The following MYO16 variants were observed in gnomAD, a reference collection of about 807,000 sequenced individuals.
The protein encoded by MYO16 is unconventional myosin-XVI.
In MYO16, 94 loss-of-function variants were observed where a neutral mutation model predicts 205.3. The ratio of observed to expected loss-of-function variants is 0.46; its 90% CI spans 0.39 to 0.54. MYO16 has a LOEUF of 0.54. MYO16 is among the 20% of genes least tolerant of loss of function. The pLI is 0.00. For missense variants in MYO16, 2,315 were observed against 2,387.5 expected (o/e 0.97, Z 0.63); for synonymous variants, 988 against 954.0 (o/e 1.04, Z -0.66).
At chr13:108,874,829 C>A (rs893737221) in intron 12 of MYO16, among the ~76,000 whole-genome samples, 1 of 151,872 alleles carries the variant, frequency 6.6e-6, no homozygotes, top group South Asian at 2.1e-4. Flanking sequence ...CCTACCCAGG[C>A]CTACAGAGTG....
intron 7 of MYO16, 29 bp downstream of exon 7, chr13:108,806,833 A>G: frequency 1.4e-6 from 2 of 1,404,876 alleles, no homozygotes; most frequent in Non-Finnish European, 1.9e-6. Context: ...TTCTTTAAAA[A>G]ATAATTTTAT....
chr13:108,782,931 A>C (rs2138915169), intron 4 of MYO16, among the ~76,000 whole-genome samples: 1 of 152,308 alleles, frequency 6.6e-6, no homozygotes, highest in South Asian at 2.1e-4. Flanking sequence ...CCCAAGCAAA[A>C]GTTTGCTGCA....
At chr13:108,923,225 C>T (rs1217971679) in intron 16 of MYO16, among the ~76,000 whole-genome samples, 1 of 152,148 alleles carries the variant, frequency 6.6e-6, no homozygotes, top group African/African-American at 2.4e-5. Context: ...CATCTTGTGC[C>T]CCAGTCCAAG....
chr13:108,653,034 T>A (rs1881081222), intron 1 of MYO16, among the ~76,000 whole-genome samples: 1 of 152,222 alleles, frequency 6.6e-6, no homozygotes, highest in South Asian at 2.1e-4. Context: ...TTTCTCTACA[T>A]CCTCACCAAT....
chr13:108,965,007 A>G, intron 20 of MYO16, 105 bp downstream of exon 20: 3 of 1,137,950 alleles, frequency 2.6e-6, no homozygotes, highest in Non-Finnish European at 2.5e-6. Context: ...AATAAGTTAA[A>G]CTTCATTAAT....
chr13:108,670,707 G>T (rs1336744629), intron 2 of MYO16, among the ~76,000 whole-genome samples: 1 of 152,202 alleles, frequency 6.6e-6, no homozygotes, highest in Non-Finnish European at 1.5e-5. Flanking sequence ...TGGACTCACT[G>T]CTCCTTTGTC....
At chr13:108,844,320 A>G (rs1319957144) in intron 9 of MYO16, 23 bp from the exon 10 acceptor site, 19 of 1,594,956 alleles carry the variant, frequency 1.2e-5, no homozygotes, top group Non-Finnish European at 1.5e-5. Context: ...GACTAATTGT[A>G]GTATTGATTT....
chr13:108,573,410 T>G, the MYO16 span, among the ~76,000 whole-genome samples: 1 of 152,246 alleles, frequency 6.6e-6, no homozygotes, highest in Non-Finnish European at 1.5e-5. Flanking sequence ...AAATGCTACT[T>G]AAGCTCAAAT....
the MYO16 span, among the ~76,000 whole-genome samples, chr13:108,588,578 G>T: frequency 2.6e-5 from 4 of 152,108 alleles, no homozygotes; most frequent in Non-Finnish European, 5.9e-5. Flanking sequence ...TATTTTTATG[G>T]TAAACATTCA....
chr13:108,635,223 AG>A (rs1422336025), intron 1 of MYO16, among the ~76,000 whole-genome samples: 1 of 152,204 alleles, frequency 6.6e-6, no homozygotes, highest in Non-Finnish European at 1.5e-5. Context: ...CAGCAATCAA[AG>A]GACTCGCATC....
chr13:108,625,946 G>T (rs1879719208), upstream of MYO16, among the ~76,000 whole-genome samples: 1 of 152,150 alleles, frequency 6.6e-6, no homozygotes, highest in Admixed American at 6.5e-5. Context: ...TGTCCAAATA[G>T]GTTTTAAATG....
chr13:108,720,061 A>G (rs1406068807), intron 3 of MYO16, among the ~76,000 whole-genome samples: 1 of 152,242 alleles, frequency 6.6e-6, no homozygotes, highest in Non-Finnish European at 1.5e-5. Context: ...GGCTCTCTGC[A>G]GTGCAAATAG....
chr13:109,010,257 C>T (rs182700306), intron 22 of MYO16, among the ~76,000 whole-genome samples: 66 of 152,204 alleles, frequency 4.3e-4, no homozygotes, highest in African/African-American at 1.6e-3. Flanking sequence ...GGTCATTAAT[C>T]CCTTTCTTAT....
chr13:108,924,791 A>T (rs189221922), intron 16 of MYO16, among the ~76,000 whole-genome samples: 1 of 149,516 alleles, frequency 6.7e-6, no homozygotes, highest in Admixed American at 6.7e-5. Context: ...TTCTGCTATC[A>T]GTCAGGCTAG....
At chr13:108,718,710 T>A (rs1157110325) in intron 3 of MYO16, among the ~76,000 whole-genome samples, 1 of 152,058 alleles carries the variant, frequency 6.6e-6, no homozygotes, top group Non-Finnish European at 1.5e-5. Context: ...GGGGTGCAAT[T>A]CAAGATTCAA....
At chr13:108,811,943 A>C (rs771297843) in intron 7 of MYO16, among the ~76,000 whole-genome samples, 8 of 152,146 alleles carry the variant, frequency 5.3e-5, no homozygotes, top group Non-Finnish European at 1.0e-4. Flanking sequence ...GAAATAAAAT[A>C]CTTATTCCTT....
chr13:108,671,586 C>G (rs1881990298), intron 2 of MYO16, among the ~76,000 whole-genome samples: 1 of 152,136 alleles, frequency 6.6e-6, no homozygotes, highest in Admixed American at 6.5e-5. Flanking sequence ...GAATTTGTAA[C>G]AATTATTATA....
At chr13:108,695,270 G>A (rs1291845740) in intron 2 of MYO16, among the ~76,000 whole-genome samples, 2 of 152,132 alleles carry the variant, frequency 1.3e-5, no homozygotes, top group African/African-American at 4.8e-5. Context: ...ACCACTTGTT[G>A]AAGACACACT....
intron 16 of MYO16, among the ~76,000 whole-genome samples, chr13:108,928,241 A>G (rs1048373297): frequency 1.3e-5 from 2 of 152,208 alleles, no homozygotes; most frequent in Non-Finnish European, 2.9e-5. Context: ...TACCGACGAC[A>G]GAGGGGCAGA....
Sources: allele counts gnomAD v4.1 joint callset (sites outside exome capture counted in the v4.1 genomes callset), GRCh38; gene constraint gnomAD v4.1.1; transcripts MANE v1.5; gene names NCBI Gene and HGNC (gene_info 2026-07-23, HGNC 2026-07-21).